PTPRN2: variants seen among roughly 807,000 people sequenced by gnomAD.
PTPRN2 encodes the protein receptor-type tyrosine-protein phosphatase N2.
Under a neutral mutation model 118.8 loss-of-function variants are expected in PTPRN2, and 74 were observed. The ratio of observed to expected loss-of-function variants is 0.62; its 90% CI spans 0.52 to 0.76. PTPRN2 has a LOEUF of 0.76. Among genes scored for constraint, PTPRN2 ranks in the 30% least tolerant of loss-of-function variants. PTPRN2 has a pLI of 0.00. For missense variants in PTPRN2, 1,481 were observed against 1,394.4 expected, an observed-to-expected ratio of 1.06 and a Z score of -0.99; for synonymous variants, 641 against 608.0, an observed-to-expected ratio of 1.05 and a Z score of -0.80.
Position 157,632,068 on chromosome 7 carries a change from C to T in PTPRN2, c.2197-10559G>A, listed in dbSNP as rs566872306. 9.2e-5 allele frequency among the ~76,000 whole-genome samples: 14 copies of T among 152,176 alleles called. No homozygotes were observed. Among genetic ancestry groups the T allele is most frequent in the Non-Finnish European group, 1.8e-4 (12 of 68,032 alleles). On this transcript the variant is annotated intron_variant, in intron 14 of 22. Coordinates refer to ENST00000389418, the MANE Select transcript of PTPRN2 (RefSeq NM_002847.5). This position sits in a 1 kb window ranked among gnomAD's most constrained non-coding sequence, Gnocchi z 4.3. ...AAGAGGACATGAAAACTGGCTCTAT[C>T]TTGATTGAGTAGAAACTTTAATTAG...
intron 5 of PTPRN2, among the ~76,000 whole-genome samples, chr7:158,174,678 G>A (rs763333114): frequency 3.3e-5 from 5 of 152,214 alleles, no homozygotes; most frequent in Non-Finnish European, 7.3e-5. Context: ...TAGGAGTTGA[G>A]TCATAGACAT....
At chr7:158,541,509 A>G in intron 1 of PTPRN2, 1 of 1,352,066 alleles carries the variant, frequency 7.4e-7, no homozygotes, top group Non-Finnish European at 9.8e-7. Flanking sequence ...AACAAACATC[A>G]CTTCCACCCT....
chr7:157,865,131 T>C (rs1214885387), intron 12 of PTPRN2: 1 of 152,368 alleles, frequency 6.6e-6, no homozygotes, highest in Non-Finnish European at 1.5e-5. Flanking sequence ...TCCCTGGGTC[T>C]GGCCCACGCA....
In PTPRN2 at chr7:158,472,017, G is replaced by A. The variant is rs558483081; in HGVS notation, c.163+17718C>T. Among the ~76,000 whole-genome samples the A allele has an allele frequency of 4.1e-4, 63 of 152,254 alleles. 1 individual carries two copies. Among genetic ancestry groups the A allele is most frequent in the Middle Eastern group, 6.8e-3 (2 of 294 alleles). On this transcript the variant is annotated intron_variant, in intron 2 of 22. Transcript: ENST00000389418. ...CCCGCCACGGTTCCGGCCTCGCCACGGTTCCTGCCCCACCACGGTTCCATT... is the reference window on the plus strand; with the variant it reads ...CCCGCCACGGTTCCGGCCTCGCCACAGTTCCTGCCCCACCACGGTTCCATT...
At chr7:158,389,830 G>A (rs1019907238) in intron 2 of PTPRN2, among the ~76,000 whole-genome samples, 7 of 152,198 alleles carry the variant, frequency 4.6e-5, no homozygotes, top group East Asian at 1.9e-4. Context: ...TTTCACAAAC[G>A]GGCTCTTGGA....
At chr7:158,554,515 C>G (rs974231973) in intron 1 of PTPRN2, among the ~76,000 whole-genome samples, 1 of 152,186 alleles carries the variant, frequency 6.6e-6, no homozygotes, top group Non-Finnish European at 1.5e-5. Context: ...CTCTCTCTCT[C>G]TCTCCCATTA....
At chr7:158,534,014 C>T (rs1483175196) in intron 1 of PTPRN2, among the ~76,000 whole-genome samples, 1 of 152,006 alleles carries the variant, frequency 6.6e-6, no homozygotes, top group Admixed American at 6.6e-5. Context: ...CCACCCACCC[C>T]CCGGGCTCCA....
At position 158,361,262 on chromosome 7, in the gene PTPRN2, C is replaced by T. The variant is rs549162905; in HGVS notation, c.164-44330G>A. On this transcript the variant is annotated intron_variant, in intron 2 of 22. Transcript: ENST00000389418. ...GTGACCCACAGACCCTGCATCCACC[C>T]TCACCAAGGATGATGCGCAGACCCC... 1.9e-4 allele frequency among the ~76,000 whole-genome samples: 2 copies of T among 10,330 alleles called. 1 individual carries two copies. The highest frequency in any genetic ancestry group is 2.0e-3 in the East Asian group (2 of 980). The allele number at this position is 10,330 out of a possible 152,430, so 6.8% of individuals were successfully genotyped here.
intron 13 of PTPRN2, among the ~76,000 whole-genome samples, chr7:157,661,494 G>T (rs1029758928): frequency 3.4e-5 from 2 of 59,602 alleles, no homozygotes; most frequent in South Asian, 9.8e-4. Context: ...CTAGCCCGGC[G>T]CTGCTCCGCT....
chr7:157,643,383 C>A (rs1804823349), intron 14 of PTPRN2, among the ~76,000 whole-genome samples: 1 of 152,200 alleles, frequency 6.6e-6, no homozygotes, highest in African/African-American at 2.4e-5. Context: ...CAAATCACTC[C>A]CCCTCCCACA....
At chr7:158,538,074 T>A (rs1328095162) in intron 1 of PTPRN2, among the ~76,000 whole-genome samples, 1 of 152,096 alleles carries the variant, frequency 6.6e-6, no homozygotes, top group Non-Finnish European at 1.5e-5. Flanking sequence ...ACGGAAGGAG[T>A]AGACCACCAC....
rs768111429 is a variant in PTPRN2, at chr7:157,911,029, T to C, written c.1724-12292A>G. Among the ~76,000 whole-genome samples, 4 of 152,250 alleles carry C rather than the reference T, an allele frequency of 2.6e-5. No homozygotes were observed. The East Asian group carries it at 7.7e-4, about 29-fold the overall frequency. On this transcript the variant is annotated intron_variant, in intron 11 of 22. Transcript: ENST00000389418. The stretch of plus-strand genomic sequence containing the variant: ...AGAAGAGAAGGGGGGTGCCCTTGCC[T>C]GTGCCTGTGCTGGAAGTGGGCTGTT...
intron 14 of PTPRN2, among the ~76,000 whole-genome samples, chr7:157,633,908 TG>T (rs1326109822): frequency 6.6e-6 from 1 of 152,224 alleles, no homozygotes; most frequent in Admixed American, 6.5e-5. Flanking sequence ...TGGTTGATGG[TG>T]GCGCTTTTGG....
intron 2 of PTPRN2, among the ~76,000 whole-genome samples, chr7:158,321,020 A>C (rs1303224165): frequency 1.3e-5 from 2 of 152,182 alleles, no homozygotes; most frequent in African/African-American, 2.4e-5. Flanking sequence ...GCAGGACCCC[A>C]AAAGGTCTCT....
At chr7:157,832,491 A>T (rs549887421) in intron 12 of PTPRN2, among the ~76,000 whole-genome samples, 169 of 152,346 alleles carry the variant, frequency 1.1e-3, no homozygotes, top group Non-Finnish European at 2.0e-3. Flanking sequence ...GAAACACAGG[A>T]TTCCTAAGTT....
chr7:157,601,137 G>T (rs1284100442), intron 16 of PTPRN2, among the ~76,000 whole-genome samples: 1 of 152,102 alleles, frequency 6.6e-6, no homozygotes, highest in Non-Finnish European at 1.5e-5. Flanking sequence ...GTAGCTCATG[G>T]GTTTCTCTCT....
intron 2 of PTPRN2, among the ~76,000 whole-genome samples, chr7:158,351,431 C>G (rs142326447): frequency 2.0e-5 from 3 of 152,180 alleles, no homozygotes; most frequent in Non-Finnish European, 4.4e-5. Flanking sequence ...TGGGGCGACT[C>G]GTACACTGTA....
chr7:157,950,841 C>T (rs1007385379), intron 11 of PTPRN2, among the ~76,000 whole-genome samples: 1 of 152,182 alleles, frequency 6.6e-6, no homozygotes, highest in Non-Finnish European at 1.5e-5. Flanking sequence ...AAGTGAGGTG[C>T]AGACGCGGAA....
chr7:158,170,734 T>G (rs568929652), intron 5 of PTPRN2, among the ~76,000 whole-genome samples: 1 of 152,232 alleles, frequency 6.6e-6, no homozygotes, highest in African/African-American at 2.4e-5. Flanking sequence ...TAAAGAAAAG[T>G]ATTCTCACGC....
Sources: gnomAD v4.1 joint callset for allele counts (sites outside exome capture counted in the v4.1 genomes callset) on GRCh38, gnomAD v4.1.1 for gene constraint, Gnocchi (gnomAD v3.1) non-coding constraint, MANE v1.5 for transcripts, NCBI Gene and HGNC (gene_info 2026-07-23, HGNC 2026-07-21) for gene names.